ANKRD26: variants seen among roughly 807,000 people sequenced by gnomAD.
ANKRD26 encodes ankyrin repeat domain-containing protein 26.
A neutral mutation model predicts 208.7 loss-of-function variants in ANKRD26; 141 were observed. The ratio of observed to expected loss-of-function variants is 0.68; its 90% CI spans 0.59 to 0.78. The LOEUF is 0.78. ANKRD26 is among the 30% of genes least tolerant of loss of function. ANKRD26 has a pLI of 0.00. For missense variants in ANKRD26, 1,889 were observed against 1,938.7 expected (o/e 0.97, Z 0.48); for synonymous variants, 636 against 660.4 (o/e 0.96, Z 0.57).
chr10:26,953,382 C>T, the ANKRD26 span, among the ~76,000 whole-genome samples: 4 of 152,164 alleles, frequency 2.6e-5, no homozygotes, highest in Admixed American at 6.5e-5. Context: ...CAGTGAGTTG[C>T]GATCGTGCCA....
intron 6 of ANKRD26, among the ~76,000 whole-genome samples, chr10:27,081,537 C>T (rs966822970): frequency 1.1e-4 from 17 of 152,076 alleles, no homozygotes; most frequent in African/African-American, 4.1e-4. Context: ...TCCATCTGAA[C>T]CATTTGACCA....
chr10:26,955,479 G>T, the ANKRD26 span, among the ~76,000 whole-genome samples: 2 of 151,822 alleles, frequency 1.3e-5, no homozygotes, highest in Non-Finnish European at 2.9e-5. Flanking sequence ...ACATATATGT[G>T]TATATATGTG....
chr10:27,005,897 G>GA (rs1199457657), intron 33 of ANKRD26, among the ~76,000 whole-genome samples, 174 bp from the exon 34 acceptor site: 1 of 152,166 alleles, frequency 6.6e-6, no homozygotes, highest in African/African-American at 2.4e-5. Flanking sequence ...GTTGCACACT[G>GA]AATTAATTAT....
intron 12 of ANKRD26, chr10:27,062,357 T>C (rs1225172339): frequency 2.1e-6 from 1 of 479,018 alleles, no homozygotes; most frequent in African/African-American, 2.1e-5. Flanking sequence ...TTCTTTCAGA[T>C]TTCTCAAAAA....
chr10:26,971,981 A>G (rs374047830), downstream of ANKRD26, among the ~76,000 whole-genome samples: 88 of 152,278 alleles, frequency 5.8e-4, no homozygotes, highest in East Asian at 0.014. Context: ...CACGCCTGTA[A>G]TCCCAGCACT....
intron 3 of ANKRD26, among the ~76,000 whole-genome samples, chr10:26,983,447 C>T (rs758086586): frequency 3.3e-5 from 5 of 152,148 alleles, no homozygotes; most frequent in African/African-American, 9.7e-5. Context: ...CTAATAAATA[C>T]CATGTTGCTG....
At chr10:26,947,622 G>C in the ANKRD26 span, among the ~76,000 whole-genome samples, 7 of 152,184 alleles carry the variant, frequency 4.6e-5, no homozygotes, top group Admixed American at 4.6e-4. Context: ...GAAGTGTGTC[G>C]TTGGTGCCTC....
chr10:27,056,201 G>A (rs1216635917), intron 15 of ANKRD26, among the ~76,000 whole-genome samples: 1 of 151,876 alleles, frequency 6.6e-6, no homozygotes, highest in East Asian at 1.9e-4. Context: ...TTTTTGAGAC[G>A]GAGTCTTGCT....
At position 27,034,925 on chromosome 10, in the gene ANKRD26, C is replaced by A. The variant is rs781047216; in HGVS notation, c.3525G>T (p.Val1175=). 6.2e-7 allele frequency: 1 copy of A among 1,613,918 alleles called. No individual in the cohort carries two copies. Among genetic ancestry groups the A allele is most frequent in the Non-Finnish European group, 8.5e-7 (1 of 1,179,908 alleles). The stretch of plus-strand genomic sequence containing the variant: ...TTTCACTCTCAGCTTGAAGTTTTTG[C>A]ACAATAGCATGAAACTGGTCTTGGA... ...INIQDQFHAI[V]QKLQAESEKQ... is the part of the protein sequence containing the mutation. The change falls in exon 24 of 34, where the codon GTG becomes GTT. Residue 1175 remains valine (V), a synonymous_variant. Transcript: ENST00000376087.
intron 16 of ANKRD26, among the ~76,000 whole-genome samples, chr10:27,049,795 A>T (rs2054584192): frequency 6.6e-6 from 1 of 152,242 alleles, no homozygotes; most frequent in Admixed American, 6.5e-5. Flanking sequence ...AAGAGATGAT[A>T]TAACTCCATA....
At chr10:27,060,666 G>T in intron 13 of ANKRD26, 126 bp from the exon 14 acceptor site, 1 of 795,224 alleles carries the variant, frequency 1.3e-6, no homozygotes, top group Non-Finnish European at 2.0e-6. Flanking sequence ...TTAATTTTTG[G>T]GATGTTTTTT....
chr10:27,022,494 T>C lies in ANKRD26; in HGVS notation c.4215+64A>G, dbSNP rs571408899. ...AATCTTTATTTCACTGTTCAAAGCA[T>C]TGAGAAGTCTATATTTCCCAAAATT... On this transcript the variant is annotated intron_variant, in intron 29 of 33. Transcript: ENST00000376087. 3.6e-5 allele frequency: 46 copies of C among 1,279,566 alleles called. No individual in the cohort carries two copies. The East Asian group carries it at 1.1e-3, about 30-fold the overall frequency. 79.3% of individuals were successfully genotyped at this position (1,279,566 alleles called of 1,614,324 possible). A position where few individuals can be genotyped will look rare whatever the true frequency, so the allele number is the denominator to read the frequency against.
chr10:27,098,406 G>T (rs149553589), intron 1 of ANKRD26, among the ~76,000 whole-genome samples: 33 of 152,208 alleles, frequency 2.2e-4, no homozygotes, highest in African/African-American at 7.7e-4. Flanking sequence ...ATTTTTATCT[G>T]TGCAAGATTC....
rs761231857 is a variant in ANKRD26, at chr10:27,035,134, A to G, written c.3316T>C (p.Cys1106Arg). 1 of 1,613,376 alleles carries G rather than the reference A, an allele frequency of 6.2e-7. No homozygotes were observed. Among genetic ancestry groups the G allele is most frequent in the South Asian group, 1.1e-5 (1 of 90,928 alleles). Residue 1106 changes from cysteine (C) to arginine (R), a missense_variant, in exon 24 of 34, where the codon TGT (cysteine) becomes CGT (arginine). Physicochemically the swap from Cys to Arg is radical, Grantham distance 180. Transcript: ENST00000376087. ...RVQKDLSQTQCQMKEMEQKYQ... is the reference protein window; with the variant it reads ...RVQKDLSQTQRQMKEMEQKYQ... ...TTTTGTTCCATTTCCTTCATTTGACACTGTGTTTGGCTTAGGTCCTTTTGT... is the reference window on the plus strand; with the variant it reads ...TTTTGTTCCATTTCCTTCATTTGACGCTGTGTTTGGCTTAGGTCCTTTTGT...
chr10:27,032,351 T>C (rs901373336), intron 25 of ANKRD26, among the ~76,000 whole-genome samples: 1 of 151,204 alleles, frequency 6.6e-6, no homozygotes, highest in Non-Finnish European at 1.5e-5. Context: ...ATACAAAAAT[T>C]AGGCCAGGTG....
Position 27,093,537 on chromosome 10 carries a change from C to T in ANKRD26, c.358-15G>A, listed in dbSNP as rs1307888028. ...CATTGTACAGCCTGGGAGTATTAGA[C>T]CAAGAAACAGATCATAAATTCTAGG... On this transcript the variant is annotated splice_polypyrimidine_tract_variant and intron_variant, in intron 2 of 33. Coordinates refer to ENST00000376087, the MANE Select transcript of ANKRD26 (RefSeq NM_014915.3). The T allele has an allele frequency of 6.2e-7, 1 of 1,613,890 alleles. No individual in the cohort carries two copies. Among genetic ancestry groups the T allele is most frequent in the Non-Finnish European group, 8.5e-7 (1 of 1,179,916 alleles).
chr10:27,045,444 C>T (rs1172762041), intron 18 of ANKRD26, among the ~76,000 whole-genome samples: 1 of 151,282 alleles, frequency 6.6e-6, no homozygotes, highest in Non-Finnish European at 1.5e-5. Flanking sequence ...AAAAAAAAAT[C>T]CTTACTCAGC....
chr10:27,081,816 C>A (rs895137146), intron 6 of ANKRD26, among the ~76,000 whole-genome samples: 1 of 151,898 alleles, frequency 6.6e-6, no homozygotes, highest in Non-Finnish European at 1.5e-5. Context: ...CGGCTCACTG[C>A]AACCTCCGCC....
rs768887404 is a variant in ANKRD26 at position 27,049,031 on chromosome 10, ATTTC to A, written c.1636-56_1636-53del. 9.1e-6 allele frequency: 13 copies of A among 1,434,648 alleles called. No homozygotes were observed. In the Admixed American group the frequency reaches 1.1e-4, roughly 12 times the overall value. The allele number at this position is 1,434,648 out of a possible 1,614,324, so 88.9% of individuals were successfully genotyped here. On this transcript the variant is annotated intron_variant, in intron 16 of 33. Transcript: ENST00000376087. ...ATTGCTATTACTTTATTCAATAATA[ATTTC>A]TTTGTTTTCATTGAGTTTATCATTT... is the stretch of plus-strand genomic sequence containing the variant.
Sources: gnomAD v4.1 joint callset for allele counts (sites outside exome capture counted in the v4.1 genomes callset) on GRCh38, gnomAD v4.1.1 for gene constraint, MANE v1.5 for transcripts, NCBI Gene and HGNC (gene_info 2026-07-23, HGNC 2026-07-21) for gene names.